The following TMCO5A variants were observed in gnomAD, a reference collection of about 807,000 sequenced individuals.
The protein encoded by TMCO5A is transmembrane and coiled-coil domains 5A, also known as transmembrane and coiled-coil domain-containing protein 5A.
A neutral mutation model predicts 42.3 loss-of-function variants in TMCO5A; 34 were observed. That is an observed-to-expected ratio of 0.80 (90% CI 0.61 to 1.07). The LOEUF (loss-of-function observed/expected upper bound fraction) is 1.07. Among genes scored for constraint, TMCO5A ranks in the 50% least tolerant of loss-of-function variants. The probability of loss-of-function intolerance (pLI) is 0.00; values close to 1 mark genes in which losing one functional copy is unlikely to be tolerated. For synonymous variants in TMCO5A, 131 were observed against 115.6 expected, an observed-to-expected ratio of 1.13 and a Z score of -0.86; for missense variants, 357 against 327.9, an observed-to-expected ratio of 1.09 and a Z score of -0.69.
At chr15:37,989,562 T>G in the TMCO5A span, among the ~76,000 whole-genome samples, 4 of 152,016 alleles carry the variant, frequency 2.6e-5, no homozygotes, top group Non-Finnish European at 5.9e-5. Context: ...GATACATTGG[T>G]TGTTTAAGTG....
In TMCO5A at chr15:37,940,930, A is replaced by C. The variant is rs3812902; in HGVS notation, c.388-219A>C. On this transcript the variant is annotated intron_variant, in intron 6 of 11. Coordinates refer to ENST00000319669, the MANE Select transcript of TMCO5A (RefSeq NM_152453.4). ...AGCTCAGAATTGAAGTTTAGGGGTG[A>C]AGCTAGCACCAGATGAAGACTAAAA... is the stretch of plus-strand genomic sequence containing the variant. Among the ~76,000 whole-genome samples the C allele has an allele frequency of 1.4e-4, 22 of 152,234 alleles. No homozygotes were observed. The East Asian group carries it at 4.3e-3, about 30-fold the overall frequency.
At chr15:38,035,899 AGG>A in the TMCO5A span, among the ~76,000 whole-genome samples, 1 of 152,184 alleles carries the variant, frequency 6.6e-6, no homozygotes, top group Non-Finnish European at 1.5e-5. Flanking sequence ...AAAAACAGAG[AGG>A]ATGCCAAAAG....
chr15:38,033,014 A>G, the TMCO5A span, among the ~76,000 whole-genome samples: 4 of 137,232 alleles, frequency 2.9e-5, no homozygotes, highest in East Asian at 6.4e-4. Context: ...TGCAAGCTCC[A>G]CCTCCCGGGT....
the TMCO5A span, among the ~76,000 whole-genome samples, chr15:37,996,329 T>C: frequency 3.9e-5 from 6 of 152,166 alleles, no homozygotes; most frequent in Admixed American, 2.6e-4. Flanking sequence ...TGAAAGAAGA[T>C]GGGAGCACCA....
At chr15:38,031,880 C>T in the TMCO5A span, among the ~76,000 whole-genome samples, 1 of 152,122 alleles carries the variant, frequency 6.6e-6, no homozygotes, top group East Asian at 1.9e-4. Context: ...TTTCTCAATT[C>T]CAGAACTATG....
chr15:37,950,960 C>T (rs1307768332), intron 11 of TMCO5A, 76 bp from the exon 12 acceptor site: 5 of 1,258,522 alleles, frequency 4.0e-6, no homozygotes, highest in African/African-American at 1.5e-5. Flanking sequence ...GCCAGATATG[C>T]ATTCAGGTAT....
At chr15:37,962,362 C>A (rs1387408798) in intron 11 of TMCO5A, among the ~76,000 whole-genome samples, 2 of 152,084 alleles carry the variant, frequency 1.3e-5, no homozygotes, top group Non-Finnish European at 2.9e-5. Flanking sequence ...GTATATTAAA[C>A]CATCTCTGCA....
At chr15:37,987,578 A>G in the TMCO5A span, among the ~76,000 whole-genome samples, 1 of 151,976 alleles carries the variant, frequency 6.6e-6, no homozygotes, top group East Asian at 1.9e-4. Context: ...TTCTTTTGCA[A>G]TGTGGTCATA....
intron 11 of TMCO5A, among the ~76,000 whole-genome samples, chr15:37,949,138 A>G (rs1890068506): frequency 6.6e-6 from 1 of 152,082 alleles, no homozygotes; most frequent in Non-Finnish European, 1.5e-5. Flanking sequence ...ATAACTCATC[A>G]GTTGAAAGAA....
chr15:37,970,454 G>A (rs774167098), downstream of TMCO5A, among the ~76,000 whole-genome samples: 127 of 152,186 alleles, frequency 8.3e-4, 3 homozygotes, highest in Non-Finnish European at 1.2e-4. Context: ...TGAGATTTGG[G>A]TGGGGACACA....
At chr15:37,967,575 C>A (rs1890585176) in exon 12 of TMCO5A, 1 of 152,076 alleles carries the variant, frequency 6.6e-6, no homozygotes, top group Admixed American at 6.6e-5. Flanking sequence ...GAGGCTGTAA[C>A]CTTCTTAATT....
Position 37,941,021 on chromosome 15 carries a change from C to T in TMCO5A, c.388-128C>T, listed in dbSNP as rs566233671. ...AACGGTGCTGGGTGGCTTAATTCCT[C>T]TATCAGGAGACGTGTGAAGTCATGG... is the stretch of plus-strand genomic sequence containing the variant. On this transcript the variant is annotated intron_variant, in intron 6 of 11. Coordinates refer to ENST00000319669, the MANE Select transcript of TMCO5A (RefSeq NM_152453.4). The T allele has an allele frequency of 8.6e-5, 65 of 751,496 alleles. 2 individuals carry two copies. The South Asian group carries it at 1.1e-3, about 13-fold the overall frequency. The allele number at this position is 751,496 out of a possible 1,614,324, so 46.6% of individuals were successfully genotyped here.
At chr15:37,944,946 T>C (rs1889886823) in intron 10 of TMCO5A, among the ~76,000 whole-genome samples, 1 of 151,924 alleles carries the variant, frequency 6.6e-6, no homozygotes, top group Non-Finnish European at 1.5e-5. Context: ...GCCATGGTGG[T>C]TTGCTGCACA....
intron 11 of TMCO5A, among the ~76,000 whole-genome samples, chr15:37,958,802 A>G (rs952966411): frequency 6.6e-6 from 1 of 152,130 alleles, no homozygotes; most frequent in African/African-American, 2.4e-5. Flanking sequence ...TCATTCTACT[A>G]AAAAGACACA....
the TMCO5A span, among the ~76,000 whole-genome samples, chr15:38,005,383 C>T: frequency 2.1e-5 from 3 of 141,488 alleles, no homozygotes; most frequent in Non-Finnish European, 4.5e-5. Flanking sequence ...CACAGCAAGA[C>T]CCCATCTCTA....
the TMCO5A span, among the ~76,000 whole-genome samples, chr15:37,987,892 C>T: frequency 6.6e-6 from 1 of 151,122 alleles, no homozygotes; most frequent in African/African-American, 2.4e-5. Context: ...TATTTCTGCC[C>T]AAAAAAAAGT....
the TMCO5A span, among the ~76,000 whole-genome samples, chr15:38,017,179 A>G: frequency 6.6e-6 from 1 of 152,212 alleles, no homozygotes; most frequent in Admixed American, 6.5e-5. Context: ...GCAAATGACC[A>G]GAAACTTAAG....
chr15:37,991,622 C>T, the TMCO5A span, among the ~76,000 whole-genome samples: 2 of 152,124 alleles, frequency 1.3e-5, no homozygotes, highest in East Asian at 3.8e-4. Context: ...GACCTTTTCA[C>T]TTTTCTTCCA....
chr15:38,003,532 G>A, the TMCO5A span, among the ~76,000 whole-genome samples: 1,180 of 152,252 alleles, frequency 7.8e-3, 19 homozygotes, highest in African/African-American at 0.027. Flanking sequence ...TCATCCAGGA[G>A]CCAGGACCTG....
Sources: gnomAD v4.1 joint callset for allele counts (sites outside exome capture counted in the v4.1 genomes callset) on GRCh38, gnomAD v4.1.1 for gene constraint, MANE v1.5 for transcripts, NCBI Gene and HGNC (gene_info 2026-07-23, HGNC 2026-07-21) for gene names.